Variants in LHFPL6 observed in about 807,000 individuals in gnomAD.
LHFPL6 encodes the protein LHFPL tetraspan subfamily member 6 protein.
Under a neutral mutation model 20.6 loss-of-function variants are expected in LHFPL6, and 9 were observed. That is an observed-to-expected ratio of 0.44 (90% confidence interval 0.26 to 0.76). LHFPL6 has a LOEUF of 0.76. LHFPL6 is among the 30% of genes least tolerant of loss of function. The probability of loss-of-function intolerance (pLI) is 0.20; values close to 1 mark genes in which losing one functional copy is unlikely to be tolerated. For missense variants in LHFPL6, 218 were observed against 253.5 expected (o/e 0.86, Z 0.95); for synonymous variants, 105 against 98.7 (o/e 1.06, Z -0.38).
chr13:39,422,241 T>C (rs1489508720), intron 2 of LHFPL6, among the ~76,000 whole-genome samples: 3 of 152,144 alleles, frequency 2.0e-5, no homozygotes, highest in Non-Finnish European at 2.9e-5. Flanking sequence ...GCAGACTATA[T>C]GGTATGTTCT....
intron 2 of LHFPL6, among the ~76,000 whole-genome samples, chr13:39,385,852 A>G (rs1870550640): frequency 6.6e-6 from 1 of 152,182 alleles, no homozygotes; most frequent in Admixed American, 6.5e-5. Flanking sequence ...AAACTCATAA[A>G]GCCTTATTTT....
At chr13:39,384,273 A>G (rs990597258) in intron 2 of LHFPL6, among the ~76,000 whole-genome samples, 3 of 152,220 alleles carry the variant, frequency 2.0e-5, no homozygotes, top group Middle Eastern at 3.2e-3. Flanking sequence ...GCCTTTAAGC[A>G]TGCCTGTGGT....
At chr13:39,456,096 G>T (rs1872562526) in intron 2 of LHFPL6, among the ~76,000 whole-genome samples, 1 of 152,176 alleles carries the variant, frequency 6.6e-6, no homozygotes, top group South Asian at 2.1e-4. Flanking sequence ...CTTCCTGAGG[G>T]CAAAAGCCAT....
intron 3 of LHFPL6, among the ~76,000 whole-genome samples, chr13:39,364,706 C>T (rs574465481): frequency 6.6e-5 from 10 of 152,060 alleles, no homozygotes; most frequent in Admixed American, 3.9e-4. Context: ...GCAGAACATG[C>T]GGATTTGTTG....
At chr13:39,412,686 A>C (rs1214933568) in intron 2 of LHFPL6, among the ~76,000 whole-genome samples, 1 of 152,224 alleles carries the variant, frequency 6.6e-6, no homozygotes, top group Non-Finnish European at 1.5e-5. Flanking sequence ...GCACTTTGGG[A>C]GGCCAAGGCG....
chr13:39,399,561 A>G (rs1186157), intron 2 of LHFPL6, among the ~76,000 whole-genome samples: 104,902 of 152,040 alleles, frequency 0.69, 36,727 homozygotes, highest in Admixed American at 0.78. Context: ...TTGGCAAATC[A>G]GGACAAGAAT....
At chr13:39,354,628 C>A (rs573286288) in intron 3 of LHFPL6, among the ~76,000 whole-genome samples, 2 of 152,016 alleles carry the variant, frequency 1.3e-5, no homozygotes, top group African/African-American at 4.8e-5. Context: ...AAATCCAACC[C>A]GAGGAAACCA....
intron 2 of LHFPL6, among the ~76,000 whole-genome samples, chr13:39,498,888 C>T (rs1869185307): frequency 6.6e-6 from 1 of 151,894 alleles, no homozygotes; most frequent in African/African-American, 2.4e-5. Context: ...TGAGACAAAG[C>T]CTTGCTCTGC....
rs557842696 is a variant in LHFPL6, at chr13:39,567,188, G to A, written c.385+33644C>T. Among the ~76,000 whole-genome samples, 7 of 152,106 alleles carry A rather than the reference G, an allele frequency of 4.6e-5. No individual in the cohort carries two copies. In the South Asian group the frequency reaches 1.5e-3, roughly 32 times the overall value. ...CAGAATTAAGCAGGAACACATCCTT[G>A]TTTCTTATATTCCCACTTAAAAACA... On this transcript the variant is annotated intron_variant, in intron 2 of 3. Transcript: ENST00000379589.
At chr13:39,564,666 C>T (rs892495911) in intron 2 of LHFPL6, among the ~76,000 whole-genome samples, 1 of 152,182 alleles carries the variant, frequency 6.6e-6, no homozygotes, top group East Asian at 1.9e-4. Context: ...TCAAAAGTAT[C>T]TAACCATGGG....
intron 3 of LHFPL6, among the ~76,000 whole-genome samples, chr13:39,368,654 C>T (rs17059697): frequency 0.065 from 9,957 of 152,096 alleles, 530 homozygotes; most frequent in African/African-American, 0.14. Flanking sequence ...TCCTTCATAG[C>T]ATGATTTTAA....
At chr13:39,457,205 A>G (rs140317432) in intron 2 of LHFPL6, among the ~76,000 whole-genome samples, 2,913 of 152,354 alleles carry the variant, frequency 0.019, 95 homozygotes, top group African/African-American at 0.066. Context: ...CAAAAATACA[A>G]GCAACATACT....
At chr13:39,471,466 C>G (rs1265765482) in intron 2 of LHFPL6, among the ~76,000 whole-genome samples, 2 of 152,168 alleles carry the variant, frequency 1.3e-5, no homozygotes. Flanking sequence ...AGGGTAATCC[C>G]TTTGCTGTGG....
intron 2 of LHFPL6, among the ~76,000 whole-genome samples, chr13:39,571,218 C>G (rs977654782): frequency 2.0e-5 from 3 of 152,206 alleles, no homozygotes; most frequent in African/African-American, 7.2e-5. Context: ...AAGCCAAAGA[C>G]AGTTTAAAGC....
chr13:39,365,732 C>T (rs966804443), intron 3 of LHFPL6, among the ~76,000 whole-genome samples: 5 of 152,132 alleles, frequency 3.3e-5, no homozygotes, highest in African/African-American at 4.8e-5. Flanking sequence ...GGTATTTGGA[C>T]GACCAACTTC....
At chr13:39,423,781 T>C (rs1871558130) in intron 2 of LHFPL6, among the ~76,000 whole-genome samples, 1 of 152,252 alleles carries the variant, frequency 6.6e-6, no homozygotes, top group Non-Finnish European at 1.5e-5. Flanking sequence ...CAGGGCACAC[T>C]GGACCTCACA....
chr13:39,442,260 T>C (rs1176000513), intron 2 of LHFPL6, among the ~76,000 whole-genome samples: 1 of 152,230 alleles, frequency 6.6e-6, no homozygotes, highest in Non-Finnish European at 1.5e-5. Context: ...TAAATTGTTA[T>C]AAATGTCATA....
chr13:39,429,464 C>T (rs1871730695), intron 2 of LHFPL6, among the ~76,000 whole-genome samples: 1 of 151,944 alleles, frequency 6.6e-6, no homozygotes, highest in Non-Finnish European at 1.5e-5. Context: ...TATCTTTTTC[C>T]ATCCTTCTAT....
chr13:39,408,294 C>T (rs1871165368), intron 2 of LHFPL6, among the ~76,000 whole-genome samples: 1 of 152,146 alleles, frequency 6.6e-6, no homozygotes, highest in African/African-American at 2.4e-5. Flanking sequence ...CTTAACTGCC[C>T]TAATGCAGGC....
Sources: gnomAD v4.1 joint callset for allele counts (sites outside exome capture counted in the v4.1 genomes callset) on GRCh38, gnomAD v4.1.1 for gene constraint, MANE v1.5 for transcripts, NCBI Gene and HGNC (gene_info 2026-07-23, HGNC 2026-07-21) for gene names.